The following CSTPP1 variants were observed in gnomAD, a reference collection of about 807,000 sequenced individuals.
CSTPP1 encodes the protein centriolar satellite-associated tubulin polyglutamylase complex regulator 1.
chr11:46,943,156 A>G, the CSTPP1 span, among the ~76,000 whole-genome samples: 1 of 152,226 alleles, frequency 6.6e-6, no homozygotes. Flanking sequence ...ATCTGACCTT[A>G]GGGTACCCTA....
At chr11:47,164,145 C>CCAGGA in the CSTPP1 span, 1 of 1,613,946 alleles carries the variant, frequency 6.2e-7, no homozygotes, top group Non-Finnish European at 8.5e-7. Flanking sequence ...AGCCAAGGAG[C>CCAGGA]CAGGGGCCTT....
chr11:47,088,198 G>A, the CSTPP1 span, among the ~76,000 whole-genome samples: 8 of 152,286 alleles, frequency 5.3e-5, no homozygotes, highest in East Asian at 1.2e-3. Context: ...TTGAAGTGGG[G>A]GAGTATCATA....
At chr11:47,101,379 C>T in the CSTPP1 span, among the ~76,000 whole-genome samples, 1 of 151,164 alleles carries the variant, frequency 6.6e-6, no homozygotes, top group African/African-American at 2.4e-5. Flanking sequence ...TTTTATTTGA[C>T]TTGCCAACCT....
At chr11:46,947,709 AG>A in the CSTPP1 span, among the ~76,000 whole-genome samples, 2 of 152,214 alleles carry the variant, frequency 1.3e-5, no homozygotes, top group African/African-American at 4.8e-5. Flanking sequence ...GTGTAACTCA[AG>A]GTCTCGTTAA....
the CSTPP1 span, among the ~76,000 whole-genome samples, chr11:47,135,978 T>A: frequency 6.7e-6 from 1 of 149,982 alleles, no homozygotes; most frequent in Non-Finnish European, 1.5e-5. Context: ...ATTAAGTAAC[T>A]CTCTCTCTCT....
the CSTPP1 span, among the ~76,000 whole-genome samples, chr11:46,937,566 CATTTT>C: frequency 1.4e-4 from 22 of 152,214 alleles, no homozygotes; most frequent in Admixed American, 3.9e-4. Flanking sequence ...ACACAATACA[CATTTT>C]ATTTTATTTT....
chr11:47,159,382 C>A, the CSTPP1 span, among the ~76,000 whole-genome samples: 1 of 152,038 alleles, frequency 6.6e-6, no homozygotes, highest in African/African-American at 2.4e-5. Flanking sequence ...TAGTGGCCCG[C>A]ACCTGTAATC....
At chr11:47,017,538 C>T in the CSTPP1 span, among the ~76,000 whole-genome samples, 1 of 152,118 alleles carries the variant, frequency 6.6e-6, no homozygotes, top group Non-Finnish European at 1.5e-5. Flanking sequence ...AAACTCCATA[C>T]TATCCCTTTA....
chr11:47,059,830 C>T, the CSTPP1 span, among the ~76,000 whole-genome samples: 29 of 152,158 alleles, frequency 1.9e-4, no homozygotes, highest in African/African-American at 6.3e-4. Flanking sequence ...GTCCGCTGGG[C>T]GCGGTGACTC....
the CSTPP1 span, among the ~76,000 whole-genome samples, chr11:47,077,485 C>A: frequency 1.3e-5 from 2 of 152,140 alleles, no homozygotes; most frequent in Admixed American, 6.6e-5. Flanking sequence ...CAGGTGTGAG[C>A]CACTACACCC....
chr11:46,944,834 G>C, the CSTPP1 span, among the ~76,000 whole-genome samples: 1 of 152,128 alleles, frequency 6.6e-6, no homozygotes, highest in Non-Finnish European at 1.5e-5. Flanking sequence ...GTTTCCCCCA[G>C]TACATCTCTC....
chr11:47,091,736 C>T, the CSTPP1 span, among the ~76,000 whole-genome samples: 5 of 152,010 alleles, frequency 3.3e-5, no homozygotes, highest in Admixed American at 2.6e-4. Context: ...GATTTGATGA[C>T]GGGAGAGGAA....
the CSTPP1 span, among the ~76,000 whole-genome samples, chr11:47,134,898 G>A: frequency 5.9e-5 from 9 of 152,218 alleles, no homozygotes; most frequent in African/African-American, 9.6e-5. Flanking sequence ...AAGCTGAGGC[G>A]GGAAGTTCAA....
At chr11:47,092,354 CGA>C in the CSTPP1 span, among the ~76,000 whole-genome samples, 17 of 152,198 alleles carry the variant, frequency 1.1e-4, no homozygotes, top group East Asian at 3.3e-3. Flanking sequence ...TCCACCATAA[CGA>C]GAGTCACACC....
chr11:47,115,071 G>A, the CSTPP1 span, among the ~76,000 whole-genome samples: 1 of 152,290 alleles, frequency 6.6e-6, no homozygotes, highest in South Asian at 2.1e-4. Flanking sequence ...GGCCTTTTCT[G>A]CATCTATTGA....
chr11:47,142,261 T>G, the CSTPP1 span, among the ~76,000 whole-genome samples: 290 of 151,124 alleles, frequency 1.9e-3, no homozygotes, highest in African/African-American at 6.9e-3. Flanking sequence ...AAAAAAAGTG[T>G]TTTTTTTGTG....
At chr11:47,067,702 A>T in the CSTPP1 span, among the ~76,000 whole-genome samples, 1 of 152,206 alleles carries the variant, frequency 6.6e-6, no homozygotes, top group Non-Finnish European at 1.5e-5. Context: ...TTGATCTCAG[A>T]CTTCCAGTCC....
chr11:47,161,605 C>T, the CSTPP1 span: 1 of 1,613,920 alleles, frequency 6.2e-7, no homozygotes, highest in Non-Finnish European at 8.5e-7. Flanking sequence ...AGAGTGATGG[C>T]TCCACTGAAG....
the CSTPP1 span, among the ~76,000 whole-genome samples, chr11:47,102,989 G>GAAAAAAAAAAAAA: frequency 8.3e-6 from 1 of 120,522 alleles, no homozygotes. Flanking sequence ...GTGCCTCACA[G>GAAAAAAAAAAAAA]AAAAAAAAAA....
Sources: allele counts gnomAD v4.1 joint callset (sites outside exome capture counted in the v4.1 genomes callset), GRCh38; gene constraint gnomAD v4.1.1; transcripts MANE v1.5; gene names NCBI Gene and HGNC (gene_info 2026-07-23, HGNC 2026-07-21).